Variants in TRAPPC3L observed in about 807,000 individuals in gnomAD.
The protein encoded by TRAPPC3L is trafficking protein particle complex subunit 3-like protein.
Under a neutral mutation model 23.7 loss-of-function variants are expected in TRAPPC3L, and 23 were observed. That is an observed-to-expected ratio of 0.97 (90% confidence interval 0.70 to 1.37). The LOEUF (loss-of-function observed/expected upper bound fraction) is 1.37. TRAPPC3L is among the 40% of genes most tolerant of loss of function. The pLI, the probability that TRAPPC3L is intolerant of heterozygous loss-of-function variation, is 0.00. For missense variants in TRAPPC3L, 212 were observed against 216.8 expected, an observed-to-expected ratio of 0.98 and a Z score of 0.14; for synonymous variants, 81 against 77.9, an observed-to-expected ratio of 1.04 and a Z score of -0.21.
At chr6:116,505,143 T>A (rs1771981491) in intron 3 of TRAPPC3L, among the ~76,000 whole-genome samples, 1 of 152,204 alleles carries the variant, frequency 6.6e-6, no homozygotes, top group Non-Finnish European at 1.5e-5. Flanking sequence ...CAAAATCTCC[T>A]TAAGCTGATA....
chr6:116,510,388 C>G (rs1435632933), intron 3 of TRAPPC3L, among the ~76,000 whole-genome samples: 2 of 152,056 alleles, frequency 1.3e-5, no homozygotes, highest in Non-Finnish European at 2.9e-5. Context: ...CTCAAGCGAT[C>G]CTCCCATCTC....
At chr6:116,514,923 G>C (rs951708194) in intron 3 of TRAPPC3L, among the ~76,000 whole-genome samples, 1 of 152,188 alleles carries the variant, frequency 6.6e-6, no homozygotes, top group Non-Finnish European at 1.5e-5. Flanking sequence ...AGCCAAAAAA[G>C]TTAGAAGATA....
chr6:116,508,622 T>A (rs1050970831), intron 3 of TRAPPC3L, among the ~76,000 whole-genome samples: 8 of 152,282 alleles, frequency 5.3e-5, no homozygotes, highest in East Asian at 1.9e-4. Context: ...TCATTTTGAC[T>A]TTCCTTCAAA....
chr6:116,511,914 C>G lies in TRAPPC3L; in HGVS notation c.241-11248G>C, dbSNP rs748229444. 56 of 1,613,846 alleles carry G rather than the reference C, an allele frequency of 3.5e-5. No individual in the cohort carries two copies. Among genetic ancestry groups the G allele is most frequent in the Admixed American group, 1.5e-4 (9 of 59,950 alleles). ...CTGGGATTCTTTCTGAACAATAGGT[C>G]GTGGAGACTCTTCACAGGCTGCTGT... On this transcript the variant is annotated intron_variant, in intron 3 of 4. Transcript: ENST00000368602.
At chr6:116,529,129 T>A (rs186610997) in intron 3 of TRAPPC3L, 1 of 152,354 alleles carries the variant, frequency 6.6e-6, no homozygotes, top group African/African-American at 2.4e-5. Context: ...TTGTCCTGAC[T>A]CTTCAGGTGA....
intron 3 of TRAPPC3L, among the ~76,000 whole-genome samples, chr6:116,527,698 T>C (rs1049742369): frequency 6.6e-6 from 1 of 152,146 alleles, no homozygotes; most frequent in African/African-American, 2.4e-5. Context: ...TCACATGAGT[T>C]TCATCCAAAT....
intron 4 of TRAPPC3L, among the ~76,000 whole-genome samples, chr6:116,497,396 T>C (rs1188295802): frequency 2.0e-5 from 3 of 152,180 alleles, no homozygotes; most frequent in Admixed American, 6.5e-5. Context: ...AGCTCGGGGA[T>C]AGCCTTGACC....
intron 3 of TRAPPC3L, among the ~76,000 whole-genome samples, chr6:116,501,983 A>C (rs554395646): frequency 6.6e-6 from 1 of 152,126 alleles, no homozygotes; most frequent in South Asian, 2.1e-4. Flanking sequence ...AAAGAACACA[A>C]CTCTTTGCCA....
intron 4 of TRAPPC3L, among the ~76,000 whole-genome samples, chr6:116,497,556 C>G (rs1318915780): frequency 6.6e-6 from 1 of 152,068 alleles, no homozygotes. Context: ...GCTTTGAGAG[C>G]TTTGAGAATA....
chr6:116,515,606 G>A (rs758553203), intron 3 of TRAPPC3L: 3 of 1,607,058 alleles, frequency 1.9e-6, no homozygotes, highest in African/African-American at 2.7e-5. Context: ...TAAGATTCTA[G>A]GATGGTGCCT....
At chr6:116,506,927 G>T (rs932135084) in intron 3 of TRAPPC3L, among the ~76,000 whole-genome samples, 1 of 151,986 alleles carries the variant, frequency 6.6e-6, no homozygotes, top group Non-Finnish European at 1.5e-5. Flanking sequence ...CGAGGTGATT[G>T]GTGCACCAAA....
chr6:116,518,650 C>T (rs1269865485), intron 3 of TRAPPC3L: 1 of 152,242 alleles, frequency 6.6e-6, no homozygotes, highest in African/African-American at 2.4e-5. Flanking sequence ...ATGCCGATGC[C>T]TCTTTTGCAG....
intron 3 of TRAPPC3L, among the ~76,000 whole-genome samples, chr6:116,504,424 G>A (rs755579652): frequency 6.6e-6 from 1 of 152,102 alleles, no homozygotes; most frequent in African/African-American, 2.4e-5. Context: ...AGGACCAGAC[G>A]GATTCACAGC....
intron 3 of TRAPPC3L, among the ~76,000 whole-genome samples, chr6:116,502,741 A>C (rs879905686): frequency 6.6e-6 from 1 of 152,234 alleles, no homozygotes; most frequent in Admixed American, 6.5e-5. Flanking sequence ...AAAGAAAAGT[A>C]TTTTCAACAC....
At chr6:116,499,680 G>A (rs1475720885) in intron 4 of TRAPPC3L, among the ~76,000 whole-genome samples, 1 of 152,104 alleles carries the variant, frequency 6.6e-6, no homozygotes, top group Non-Finnish European at 1.5e-5. Context: ...TCTTCTACCT[G>A]TTAGATTATT....
chr6:116,506,321 C>T (rs954664548), intron 3 of TRAPPC3L, among the ~76,000 whole-genome samples: 22 of 152,238 alleles, frequency 1.4e-4, no homozygotes, highest in African/African-American at 5.1e-4. Context: ...GAAATACCAT[C>T]TCTTGCCAGT....
intron 3 of TRAPPC3L, among the ~76,000 whole-genome samples, chr6:116,514,974 G>T (rs1321669627): frequency 6.6e-6 from 1 of 152,212 alleles, no homozygotes; most frequent in Non-Finnish European, 1.5e-5. Flanking sequence ...ATCCAGGGGA[G>T]AAAAGCTGAA....
intron 3 of TRAPPC3L, chr6:116,523,254 C>T (rs776095262): frequency 3.3e-5 from 5 of 152,060 alleles, no homozygotes; most frequent in Non-Finnish European, 5.9e-5. Flanking sequence ...TTCAAGGATA[C>T]CTTTCTATTC....
chr6:116,527,331 C>A (rs1398845419), intron 3 of TRAPPC3L, among the ~76,000 whole-genome samples: 1 of 151,956 alleles, frequency 6.6e-6, no homozygotes, highest in Admixed American at 6.6e-5. Flanking sequence ...TCCTGGCTAA[C>A]ACGCTGAAAC....
Sources: gnomAD v4.1 joint callset for allele counts (sites outside exome capture counted in the v4.1 genomes callset) on GRCh38, gnomAD v4.1.1 for gene constraint, MANE v1.5 for transcripts, NCBI Gene and HGNC (gene_info 2026-07-23, HGNC 2026-07-21) for gene names.